Variants in ZNF566 observed in about 807,000 individuals in gnomAD.
ZNF566 encodes the protein zinc finger protein 566.
A neutral mutation model predicts 32.8 loss-of-function variants in ZNF566; 27 were observed. That is an observed-to-expected ratio of 0.82 (90% CI 0.61 to 1.14). The LOEUF (loss-of-function observed/expected upper bound fraction) is 1.14, where lower values mean the gene tolerates loss of function less well. ZNF566 is among the 50% of genes most tolerant of loss of function. The pLI is 0.00. For missense variants in ZNF566, 402 were observed against 490.4 expected, an observed-to-expected ratio of 0.82 and a Z score of 1.70; for synonymous variants, 154 against 159.5, an observed-to-expected ratio of 0.97 and a Z score of 0.26.
At chr19:36,468,846 G>A (rs1468007937) in intron 4 of ZNF566, among the ~76,000 whole-genome samples, 1 of 151,694 alleles carries the variant, frequency 6.6e-6, no homozygotes, top group Non-Finnish European at 1.5e-5. Context: ...CCCAGGAAGT[G>A]GTCAAGACTG....
rs35019644 is a variant in ZNF566, at chr19:36,446,269, C to CT, written c.*2707dup. 0.067 allele frequency: 8,750 copies of CT among 131,172 alleles called. 360 individuals carry two copies. The highest frequency in any genetic ancestry group is 0.1 in the African/African-American group (3,721 of 36,018). 8.1% of individuals were successfully genotyped at this position (131,172 alleles called of 1,614,324 possible). On this transcript the variant is annotated 3_prime_UTR_variant, in exon 5 of 5. Transcript: ENST00000452939. ...GGGCAAAGATAATCATTTTTTCTTT[C>CT]TTTTTTTTTTTTTTTTTTGAGACAG... is the stretch of plus-strand genomic sequence containing the variant.
At chr19:36,468,765 T>C (rs2145677847) in intron 4 of ZNF566, among the ~76,000 whole-genome samples, 1 of 151,358 alleles carries the variant, frequency 6.6e-6, no homozygotes, top group South Asian at 2.1e-4. Context: ...ATACAAAAAA[T>C]TAACCAGGTG....
At chr19:36,482,191 C>T (rs1600179679) in intron 1 of ZNF566, among the ~76,000 whole-genome samples, 1 of 152,120 alleles carries the variant, frequency 6.6e-6, no homozygotes, top group East Asian at 1.9e-4. Flanking sequence ...CTGCAAGCTC[C>T]GCCTCCCAGG....
intron 2 of ZNF566, among the ~76,000 whole-genome samples, chr19:36,475,937 TTAA>T (rs2033873094): frequency 6.6e-6 from 1 of 152,188 alleles, no homozygotes; most frequent in African/African-American, 2.4e-5. Flanking sequence ...CTGATGGACA[TTAA>T]TCTAAATTAA....
chr19:36,458,981 G>A (rs1236999502), intron 4 of ZNF566, among the ~76,000 whole-genome samples: 1 of 152,098 alleles, frequency 6.6e-6, no homozygotes, highest in Non-Finnish European at 1.5e-5. Flanking sequence ...AGCCTCCCAG[G>A]TAGCTGGGAT....
chr19:36,466,251 A>G (rs1205749009), intron 4 of ZNF566, among the ~76,000 whole-genome samples: 5 of 152,244 alleles, frequency 3.3e-5, no homozygotes, highest in Non-Finnish European at 5.9e-5. Context: ...GCCTTGTGGC[A>G]GGCAAAGATA....
At chr19:36,473,283 T>C (rs891409371) in intron 3 of ZNF566, 49 bp downstream of exon 3, 4 of 1,607,076 alleles carry the variant, frequency 2.5e-6, no homozygotes, top group Admixed American at 1.7e-5. Context: ...TTGGAGGAAG[T>C]AGGCCTTCCA....
rs1402063354 is a variant in ZNF566, at chr19:36,476,617, C to T, written c.-59-1G>A. 2 of 1,609,230 alleles carry T rather than the reference C, an allele frequency of 1.2e-6. No homozygotes were observed. Among genetic ancestry groups the T allele is most frequent in the South Asian group, 1.1e-5 (1 of 89,894 alleles). ...GCTCTTCTTTTGGAGAAGGGTAGAG[C>T]TGGGAGAGGCAAAAGAAGATAGATA... On this transcript the variant is annotated splice_acceptor_variant, in intron 1 of 4. Coordinates refer to ENST00000452939, the MANE Select transcript of ZNF566 (RefSeq NM_001145344.1). LOFTEE classifies it low-confidence loss of function (5UTR_SPLICE).
chr19:36,483,076 T>C (rs2034074534), intron 1 of ZNF566, among the ~76,000 whole-genome samples: 1 of 152,200 alleles, frequency 6.6e-6, no homozygotes, highest in Admixed American at 6.5e-5. Context: ...CAACAAAGCA[T>C]CCTTTGTCTC....
At chr19:36,487,897 CAA>C (rs201784748) in intron 1 of ZNF566, among the ~76,000 whole-genome samples, 1,936 of 74,982 alleles carry the variant, frequency 0.026, 16 homozygotes, top group African/African-American at 0.093. Flanking sequence ...GACTCTGTCT[CAA>C]AAAAAAAAAA....
In ZNF566 at chr19:36,449,024, A is replaced by C; in HGVS notation, c.1210T>G (p.Phe404Val). The C allele has an allele frequency of 6.2e-7, 1 of 1,605,592 alleles. No individual in the cohort carries two copies. The highest frequency in any genetic ancestry group is 8.5e-7 in the Non-Finnish European group (1 of 1,177,444). ...PYEYRECGKN[F>V]NYDPQLIQHQ... The stretch of plus-strand genomic sequence containing the variant: ...TGAATAAGTTGTGGGTCATAATTAA[A>C]GTTCTTTCCACATTCCCTATATTCA... Residue 404 changes from phenylalanine (F) to valine (V), a missense_variant, in exon 5 of 5, where the codon TTT becomes GTT. Phe to Val is a conservative substitution (Grantham distance 50, BLOSUM62 -1). Coordinates refer to ENST00000452939, the MANE Select transcript of ZNF566 (RefSeq NM_001145344.1).
At chr19:36,461,328 G>C (rs916447726) in intron 4 of ZNF566, among the ~76,000 whole-genome samples, 6 of 152,212 alleles carry the variant, frequency 3.9e-5, no homozygotes, top group African/African-American at 1.4e-4. Flanking sequence ...TTACTTCAAT[G>C]GAGTTTTCTG....
chr19:36,467,032 G>A (rs533647735), intron 4 of ZNF566, among the ~76,000 whole-genome samples: 1 of 149,864 alleles, frequency 6.7e-6, no homozygotes, highest in East Asian at 2.0e-4. Flanking sequence ...TGGCGCCGCT[G>A]CACTCCACCC....
chr19:36,449,965 A>G lies in ZNF566; in HGVS notation c.269T>C (p.Leu90Pro). 1.9e-6 allele frequency: 3 copies of G among 1,610,494 alleles called. No individual in the cohort carries two copies. The highest frequency in any genetic ancestry group is 2.5e-6 in the Non-Finnish European group (3 of 1,179,010). Residue 90 changes from leucine to proline, a missense_variant, in exon 5 of 5, where the codon CTG becomes CCG. Leu to Pro is a moderately conservative substitution (Grantham distance 98). This residue lies in a region of ZNF566 where 220 missense variants were observed against 241.9 expected (regional missense o/e 0.91). Coordinates refer to ENST00000452939, the MANE Select transcript of ZNF566 (RefSeq NM_001145344.1). ...TTCTATTTCATAAATTTCTTTCTTC[A>G]GAAATAATTTCTTGGTCTCACATCT... ...ESRCETKKLFLKKEIYEIEST... is the reference protein window; with the variant it reads ...ESRCETKKLFPKKEIYEIEST...
intron 2 of ZNF566, among the ~76,000 whole-genome samples, chr19:36,474,571 GATA>G (rs1214578910): frequency 1.3e-5 from 2 of 152,162 alleles, no homozygotes; most frequent in African/African-American, 4.8e-5. Flanking sequence ...TCAGTCAAGA[GATA>G]ATGACTAAAG....
intron 4 of ZNF566, among the ~76,000 whole-genome samples, chr19:36,470,482 T>G (rs942258183): frequency 6.6e-6 from 1 of 152,192 alleles, no homozygotes; most frequent in Admixed American, 6.5e-5. Flanking sequence ...TTCCTTCCAC[T>G]GCCACTGATA....
intron 4 of ZNF566, among the ~76,000 whole-genome samples, chr19:36,467,330 G>A (rs550356148): frequency 2.2e-4 from 33 of 150,420 alleles, no homozygotes; most frequent in African/African-American, 7.9e-4. Context: ...AGCTACACAG[G>A]AGGCTGAGGC....
At chr19:36,474,449 T>G (rs2033837286) in intron 2 of ZNF566, among the ~76,000 whole-genome samples, 1 of 152,194 alleles carries the variant, frequency 6.6e-6, no homozygotes, top group Non-Finnish European at 1.5e-5. Context: ...GAATAATATT[T>G]GCAGCCGTAA....
At chr19:36,467,245 C>T (rs1349601339) in intron 4 of ZNF566, among the ~76,000 whole-genome samples, 1 of 150,460 alleles carries the variant, frequency 6.6e-6, no homozygotes, top group Non-Finnish European at 1.5e-5. Flanking sequence ...ACCATCCTGG[C>T]TAACACAGTG....
Sources: allele counts gnomAD v4.1 joint callset (sites outside exome capture counted in the v4.1 genomes callset), GRCh38; gene constraint gnomAD v4.1.1; regional missense constraint gnomAD v4.1.1; transcripts MANE v1.5; gene names NCBI Gene and HGNC (gene_info 2026-07-23, HGNC 2026-07-21).